COPG2: variants seen among roughly 807,000 people sequenced by gnomAD.
COPG2 encodes coat protein complex I subunit gamma 2.
In COPG2, 37 loss-of-function variants were observed where a neutral mutation model predicts 46.3. That is an observed-to-expected ratio of 0.80 (90% CI 0.61 to 1.05). COPG2 has a LOEUF of 1.05. COPG2 is among the 50% of genes least tolerant of loss of function. The pLI, the probability that COPG2 is intolerant of heterozygous loss-of-function variation, is 0.00. For synonymous variants in COPG2, 159 were observed against 129.7 expected (o/e 1.23, Z -1.53); for missense variants, 427 against 387.8 (o/e 1.10, Z -0.85).
chr7:130,578,778 C>T (rs1167833571), intron 9 of COPG2, among the ~76,000 whole-genome samples: 5 of 150,914 alleles, frequency 3.3e-5, no homozygotes, highest in South Asian at 2.1e-4. Flanking sequence ...TGAAATGAAG[C>T]GAGAAGGGAA....
At chr7:130,540,047 G>GGGAT (rs1329486730) in intron 20 of COPG2, among the ~76,000 whole-genome samples, 7 of 151,840 alleles carry the variant, frequency 4.6e-5, no homozygotes, top group African/African-American at 1.7e-4. Context: ...TTGGGTGAAG[G>GGGAT]GGATGGGGTT....
chr7:130,533,083 A>G (rs1799844780), intron 20 of COPG2, among the ~76,000 whole-genome samples: 3 of 152,086 alleles, frequency 2.0e-5, no homozygotes, highest in Admixed American at 6.6e-5. Context: ...GTGTTTCCCA[A>G]TGGGCAAGAA....
intron 3 of COPG2, among the ~76,000 whole-genome samples, chr7:130,665,845 A>G (rs1554461364): frequency 6.6e-6 from 1 of 151,896 alleles, no homozygotes; most frequent in Non-Finnish European, 1.5e-5. Context: ...CAAAAAAAAA[A>G]AAAAGAAAAA....
rs1194217638 is a variant in COPG2 at position 130,546,399 on chromosome 7, C to T, written c.2149+1275G>A. On this transcript the variant is annotated intron_variant, in intron 20 of 23. Coordinates refer to ENST00000425248, the MANE Select transcript of COPG2 (RefSeq NM_012133.6). ...CAGACCAGGAGAGAAAGCGAAGTTA[C>T]AAGGAAATGGAACTAGAGAAACCTC... is the stretch of plus-strand genomic sequence containing the variant. 1.4e-4 allele frequency among the ~76,000 whole-genome samples: 22 copies of T among 152,160 alleles called. 1 individual carries two copies. Among genetic ancestry groups the T allele is most frequent in the Admixed American group, 1.4e-3 (22 of 15,276 alleles).
intron 9 of COPG2, among the ~76,000 whole-genome samples, chr7:130,577,576 A>G (rs1794027671): frequency 6.6e-6 from 1 of 151,604 alleles, no homozygotes; most frequent in Non-Finnish European, 1.5e-5. Context: ...CCTGGCTAAC[A>G]AGGTGAAACC....
chr7:130,649,670 T>C (rs1246876823), intron 5 of COPG2, among the ~76,000 whole-genome samples: 1 of 152,240 alleles, frequency 6.6e-6, no homozygotes, highest in African/African-American at 2.4e-5. Context: ...AAATGTTTTC[T>C]CTATCCTGCT....
At chr7:130,610,043 T>C in intron 9 of COPG2, 2 of 517,314 alleles carry the variant, frequency 3.9e-6, no homozygotes, top group South Asian at 2.8e-5. Context: ...AATTTCTATA[T>C]GTGGGTCATC....
chr7:130,508,370 A>G (rs564370829), intron 21 of COPG2, 192 bp downstream of exon 21: 59 of 479,354 alleles, frequency 1.2e-4, no homozygotes, highest in African/African-American at 9.3e-4. Context: ...GTAAATCTCA[A>G]TTCTCTCTGG....
intron 20 of COPG2, among the ~76,000 whole-genome samples, chr7:130,518,087 C>T (rs957815560): frequency 8.6e-5 from 13 of 151,970 alleles, no homozygotes; most frequent in Admixed American, 1.3e-4. Flanking sequence ...CACAGCACTA[C>T]GTATTAATTA....
chr7:130,588,880 A>T (rs1794340753), intron 9 of COPG2, among the ~76,000 whole-genome samples: 1 of 152,224 alleles, frequency 6.6e-6, no homozygotes, highest in South Asian at 2.1e-4. Flanking sequence ...CTCCCTAAAG[A>T]TAATGACTAT....
At chr7:130,646,991 ATATATGTG>A (rs1216135171) in intron 5 of COPG2, among the ~76,000 whole-genome samples, 5 of 39,706 alleles carry the variant, frequency 1.3e-4, no homozygotes, top group Admixed American at 3.5e-4. Context: ...ATGTATATAT[ATATATGTG>A]TATATATATA....
At chr7:130,607,826 C>T (rs1017167279) in intron 9 of COPG2, 1 of 519,350 alleles carries the variant, frequency 1.9e-6, no homozygotes, top group Admixed American at 1.9e-5. Context: ...ACAGAATGCC[C>T]TCAGGAGAAT....
chr7:130,657,715 T>G (rs1487208414), intron 4 of COPG2, among the ~76,000 whole-genome samples: 2 of 152,170 alleles, frequency 1.3e-5, no homozygotes, highest in Non-Finnish European at 2.9e-5. Flanking sequence ...ATTTTTTTAA[T>G]GGGCAAAAGA....
At chr7:130,519,364 G>C (rs921712580) in intron 20 of COPG2, among the ~76,000 whole-genome samples, 18 of 152,168 alleles carry the variant, frequency 1.2e-4, no homozygotes, top group African/African-American at 4.3e-4. Flanking sequence ...AGATTAATGC[G>C]ACGGACTTAA....
intron 1 of COPG2, 69 bp downstream of exon 1, chr7:130,668,563 G>A (rs1796150633): frequency 9.2e-6 from 13 of 1,413,734 alleles, no homozygotes; most frequent in Non-Finnish European, 1.0e-5. Context: ...CGGCCTGAAA[G>A]CAGGTGGCGG....
intron 20 of COPG2, among the ~76,000 whole-genome samples, chr7:130,512,678 G>A (rs1554441180): frequency 6.6e-6 from 1 of 152,048 alleles, no homozygotes; most frequent in African/African-American, 2.4e-5. Context: ...TGTAATCCTG[G>A]AGGTTTCAGT....
intron 20 of COPG2, among the ~76,000 whole-genome samples, chr7:130,523,977 T>G (rs1434509167): frequency 4.9e-5 from 7 of 144,258 alleles, no homozygotes; most frequent in East Asian, 2.0e-4. Context: ...GGGATGAGGG[T>G]GGGTAGGTGG....
At chr7:130,538,684 C>T (rs1799908092) in intron 20 of COPG2, among the ~76,000 whole-genome samples, 1 of 61,656 alleles carries the variant, frequency 1.6e-5, no homozygotes, top group South Asian at 5.1e-4. Context: ...GGCTGGGGGC[C>T]TGGGAGGGGA....
intron 9 of COPG2, among the ~76,000 whole-genome samples, chr7:130,570,831 T>A (rs1793883704): frequency 6.6e-6 from 1 of 152,148 alleles, no homozygotes; most frequent in Non-Finnish European, 1.5e-5. Flanking sequence ...CAAAACAGCA[T>A]GGCACTGGTA....
Sources: allele counts gnomAD v4.1 joint callset (sites outside exome capture counted in the v4.1 genomes callset), GRCh38; gene constraint gnomAD v4.1.1; transcripts MANE v1.5; gene names NCBI Gene and HGNC (gene_info 2026-07-23, HGNC 2026-07-21).